Variants in IARS1 observed in about 807,000 individuals in gnomAD.
The protein encoded by IARS1 is isoleucyl-tRNA synthetase 1, also known as isoleucine--tRNA ligase, cytoplasmic.
In IARS1, 124 loss-of-function variants were observed where a neutral mutation model predicts 168.2. The observed-to-expected ratio is 0.74, with a 90% confidence interval of 0.64 to 0.86. The LOEUF is 0.86. IARS1 is among the 40% of genes least tolerant of loss of function. IARS1 has a pLI of 0.00. For missense variants in IARS1, 1,452 were observed against 1,515.8 expected (o/e 0.96, Z 0.70); for synonymous variants, 532 against 529.4 (o/e 1.00, Z -0.07).
rs192108662 is a variant in IARS1 at position 92,233,998 on chromosome 9, T to C, written c.3284-4872A>G. Among the ~76,000 whole-genome samples the C allele has an allele frequency of 2.8e-4, 42 of 152,276 alleles. No homozygotes were observed. In the East Asian group the frequency reaches 6.6e-3, roughly 24 times the overall value. On this transcript the variant is annotated intron_variant, in intron 30 of 33. Coordinates refer to ENST00000443024, the MANE Select transcript of IARS1 (RefSeq NM_002161.6). ...CTGGTCTCGAACTCCCAGGCTAAAG[T>C]AATCCTCCTGCCTAAGCCTCCCAAA... is the stretch of plus-strand genomic sequence containing the variant.
intron 33 of IARS1, among the ~76,000 whole-genome samples, chr9:92,215,869 CT>C (rs1306744591): frequency 6.6e-6 from 1 of 152,164 alleles, no homozygotes; most frequent in Non-Finnish European, 1.5e-5. Flanking sequence ...TCCAGGAGAA[CT>C]TCCCCTATCT....
At chr9:92,277,813 C>A (rs1833977660) in intron 9 of IARS1, 50 bp downstream of exon 9, 2 of 1,497,616 alleles carry the variant, frequency 1.3e-6, no homozygotes, top group East Asian at 4.5e-5. Flanking sequence ...CCCCAGCTAT[C>A]AAATAATCAG....
intron 14 of IARS1, 39 bp from the exon 15 acceptor site, chr9:92,265,592 GC>G (rs1207590187): frequency 2.1e-6 from 3 of 1,422,096 alleles, no homozygotes; most frequent in Non-Finnish European, 3.0e-6. Flanking sequence ...GCTCCTTAGA[GC>G]CAAACAGAGC....
Position 92,287,887 on chromosome 9 carries a change from C to A in IARS1, c.300G>T (p.Leu100=). ...CCACATCCTCTGGTCCTCTGATTCC[C>A]AGTGTCTTATCAATTTCATATTCCT... ...LPVEYEIDKT[L]GIRGPEDVAK... is the part of the protein sequence containing the mutation. Residue 100 remains leucine (L), a synonymous_variant, in exon 4 of 34, where the codon CTG becomes CTT. Transcript: ENST00000443024. The A allele has an allele frequency of 6.2e-7, 1 of 1,613,942 alleles. No individual in the cohort carries two copies. Among genetic ancestry groups the A allele is most frequent in the South Asian group, 1.1e-5 (1 of 91,042 alleles).
intron 16 of IARS1, among the ~76,000 whole-genome samples, chr9:92,263,880 TG>T (rs1172492633): frequency 6.6e-6 from 1 of 152,214 alleles, no homozygotes; most frequent in Non-Finnish European, 1.5e-5. Context: ...GAATTTGTGC[TG>T]GGTAGCTGTT....
chr9:92,278,284 C>T lies in IARS1; in HGVS notation c.748G>A (p.Val250Ile). ...PEMQYVKIKD[V>I]ARGRLLILME... ...AAAATGAGTAATCGTCCTCTGGCAA[C>T]ATCTACGAGAAAAAGGAAAAACATG... Residue 250 changes from valine (V) to isoleucine (I), a missense_variant and splice_region_variant, in exon 8 of 34, where the codon GTT (valine) becomes ATT (isoleucine). Transcript: ENST00000443024. The T allele has an allele frequency of 6.2e-7, 1 of 1,607,712 alleles. No individual in the cohort carries two copies. Among genetic ancestry groups the T allele is most frequent in the Non-Finnish European group, 8.5e-7 (1 of 1,174,250 alleles).
chr9:92,229,243 CA>C, intron 30 of IARS1, 117 bp from the exon 31 acceptor site: 1 of 859,632 alleles, frequency 1.2e-6, no homozygotes, highest in African/African-American at 1.7e-5. Context: ...CCTTTTCCCC[CA>C]ACTATACACT....
intron 10 of IARS1, among the ~76,000 whole-genome samples, chr9:92,272,859 CAAAACAAAAAA>C (rs1833258593): frequency 3.0e-5 from 1 of 33,832 alleles, no homozygotes; most frequent in African/African-American, 1.5e-4. Flanking sequence ...TCAAACAAAA[CAAAACAAAAAA>C]AAAAAAAAAA....
intron 28 of IARS1, chr9:92,242,943 C>T: frequency 2.7e-6 from 1 of 368,704 alleles, no homozygotes; most frequent in Non-Finnish European, 5.2e-6. Flanking sequence ...CCTTCTGCTC[C>T]AGTCACAGGG....
chr9:92,285,656 G>T, intron 6 of IARS1, 66 bp downstream of exon 6: 1 of 975,138 alleles, frequency 1.0e-6, no homozygotes, highest in Non-Finnish European at 1.6e-6. Flanking sequence ...TACCTACTGT[G>T]ATCATAACTA....
chr9:92,237,337 G>A (rs1273934449), intron 30 of IARS1, among the ~76,000 whole-genome samples: 1 of 152,096 alleles, frequency 6.6e-6, no homozygotes, highest in Non-Finnish European at 1.5e-5. Context: ...TAAGAGTGTG[G>A]AGATTTTCAT....
At chr9:92,273,499 G>A (rs183310750) in intron 10 of IARS1, among the ~76,000 whole-genome samples, 142 of 152,290 alleles carry the variant, frequency 9.3e-4, no homozygotes, top group Admixed American at 4.6e-3. Context: ...GGAAGAAAAC[G>A]AGAGATTGCC....
At chr9:92,268,361 T>A in intron 13 of IARS1, 61 bp from the exon 14 acceptor site, 2 of 1,547,240 alleles carry the variant, frequency 1.3e-6, no homozygotes, top group Non-Finnish European at 8.8e-7. Flanking sequence ...AACATGTAAA[T>A]AATACCCACA....
chr9:92,277,212 G>A (rs929533426), intron 9 of IARS1, among the ~76,000 whole-genome samples: 3 of 152,058 alleles, frequency 2.0e-5, no homozygotes, highest in African/African-American at 4.8e-5. Context: ...GCCAGGCACG[G>A]TGGCTCACAA....
Position 92,247,370 on chromosome 9 carries a change from C to T in IARS1, c.2791+7G>A, listed in dbSNP as rs762966595. The T allele has an allele frequency of 6.2e-7, 1 of 1,612,572 alleles. No homozygotes were observed. The highest frequency in any genetic ancestry group is 8.5e-7 in the Non-Finnish European group (1 of 1,179,336). On this transcript the variant is annotated splice_region_variant and intron_variant, in intron 26 of 33. Coordinates refer to ENST00000443024, the MANE Select transcript of IARS1 (RefSeq NM_002161.6). ...TAAATGGTGCCCTTGTCTGTGTAGA[C>T]ACCTACCAGTCTTCTGGAACTGCTC...
Position 92,269,945 on chromosome 9 carries a change from C to G in IARS1, c.1244G>C (p.Trp415Ser). 1 of 1,613,730 alleles carries G rather than the reference C, an allele frequency of 6.2e-7. No homozygotes were observed. Among genetic ancestry groups the G allele is most frequent in the Non-Finnish European group, 8.5e-7 (1 of 1,179,736 alleles). ...CACCATGTTCTCCACTCGCACAAAC[C>G]AGCTGGGCACTGCTTTGTAAATTAG... ...TPLIYKAVPS[W>S]FVRVENMVDQ... Residue 415 changes from tryptophan to serine, a missense_variant, in exon 13 of 34, where the codon TGG becomes TCG. By Grantham distance (177) the Trp-to-Ser change is radical. Coordinates refer to ENST00000443024, the MANE Select transcript of IARS1 (RefSeq NM_002161.6).
At chr9:92,282,860 A>ATTTTTT (rs35959111) in intron 6 of IARS1, among the ~76,000 whole-genome samples, 35 of 132,854 alleles carry the variant, frequency 2.6e-4, no homozygotes, top group African/African-American at 9.3e-4. Context: ...ATATATATAT[A>ATTTTTT]TTTTTTTTTT....
intron 28 of IARS1, 79 bp from the exon 29 acceptor site, chr9:92,242,409 G>A: frequency 4.4e-6 from 5 of 1,131,448 alleles, no homozygotes; most frequent in Middle Eastern, 2.8e-4. Flanking sequence ...GTTGAACAAG[G>A]GCTACAGATC....
chr9:92,281,427 C>T (rs1390231671), intron 6 of IARS1, among the ~76,000 whole-genome samples: 1 of 152,110 alleles, frequency 6.6e-6, no homozygotes, highest in Non-Finnish European at 1.5e-5. Context: ...AGTCACCATG[C>T]CTGGCCTCTG....
Sources: allele counts gnomAD v4.1 joint callset (sites outside exome capture counted in the v4.1 genomes callset), GRCh38; gene constraint gnomAD v4.1.1; transcripts MANE v1.5; gene names NCBI Gene and HGNC (gene_info 2026-07-23, HGNC 2026-07-21).